The following PPM1A variants were observed in gnomAD, a reference collection of about 807,000 sequenced individuals.
PPM1A encodes protein phosphatase, Mg2+/Mn2+ dependent 1A, also known as protein phosphatase 1A.
A neutral mutation model predicts 35.0 loss-of-function variants in PPM1A; 7 were observed. The ratio of observed to expected loss-of-function variants is 0.20; its 90% CI spans 0.11 to 0.38. PPM1A has a LOEUF of 0.38. PPM1A is among the 10% of genes least tolerant of loss of function. The pLI is 1.00. For synonymous variants in PPM1A, 153 were observed against 167.3 expected (o/e 0.91, Z 0.66); for missense variants, 239 against 467.8 (o/e 0.51, Z 4.51).
intron 1 of PPM1A, among the ~76,000 whole-genome samples, chr14:60,268,857 T>C (rs1231208646): frequency 6.6e-6 from 1 of 151,866 alleles, no homozygotes; most frequent in African/African-American, 2.4e-5. Context: ...AATTTCCACG[T>C]TTGAGGTTTT....
chr14:60,272,077 G>A (rs531532623), intron 1 of PPM1A, among the ~76,000 whole-genome samples: 2 of 148,020 alleles, frequency 1.4e-5, no homozygotes, highest in African/African-American at 2.5e-5. Flanking sequence ...TATGTGCTTT[G>A]ATGTTGATGT....
intron 1 of PPM1A, among the ~76,000 whole-genome samples, chr14:60,274,886 TC>T (rs1218491411): frequency 6.6e-6 from 1 of 151,664 alleles, no homozygotes; most frequent in Non-Finnish European, 1.5e-5. Context: ...ATACTGAGTC[TC>T]CCTCTTTTCA....
At chr14:60,250,413 A>G in intron 1 of PPM1A, 1 of 984,962 alleles carries the variant, frequency 1.0e-6, no homozygotes, top group African/African-American at 1.7e-5. Context: ...TTCTTGAAAG[A>G]CAGCTGGCTG....
upstream of PPM1A, among the ~76,000 whole-genome samples, chr14:60,247,064 T>C (rs1881826268): frequency 1.3e-5 from 2 of 152,180 alleles, no homozygotes; most frequent in South Asian, 4.1e-4. Context: ...AAAATTTGTC[T>C]TTTAAGAGCA....
chr14:60,287,314 C>T, intron 3 of PPM1A: 1 of 983,804 alleles, frequency 1.0e-6, no homozygotes, highest in Non-Finnish European at 1.2e-6. Flanking sequence ...TACATTGATA[C>T]TCAATATTTT....
intron 1 of PPM1A, among the ~76,000 whole-genome samples, chr14:60,262,633 T>C (rs1039606041): frequency 2.1e-4 from 32 of 152,216 alleles, no homozygotes; most frequent in African/African-American, 4.6e-4. Flanking sequence ...ATAGTTTGAG[T>C]TGTGATCGTG....
At chr14:60,285,861 A>G in intron 3 of PPM1A, 120 bp downstream of exon 3, 1 of 1,458,374 alleles carries the variant, frequency 6.9e-7, no homozygotes, top group East Asian at 2.5e-5. Context: ...CTAGTGTATG[A>G]AAGTGGAAAA....
chr14:60,246,583 G>A (rs1881797764), upstream of PPM1A, among the ~76,000 whole-genome samples: 1 of 152,030 alleles, frequency 6.6e-6, no homozygotes, highest in Admixed American at 6.5e-5. Context: ...TAGAGGCCCG[G>A]CAAAGTCTTA....
At chr14:60,291,585 C>A in intron 5 of PPM1A, 131 bp downstream of exon 5, 3 of 571,034 alleles carry the variant, frequency 5.3e-6, no homozygotes, top group African/African-American at 3.9e-5. Context: ...TTGCTCTGAA[C>A]TCTGCTTGCT....
Position 60,291,452 on chromosome 14 carries a change from A to G in PPM1A, c.1117A>G (p.Thr373Ala). ...NRLNPYKNDD[T>A]DSTSTDDMW ...ACTGAATCCTTACAAAAATGACGAC[A>G]CTGTAAGTAGCATTTTAGCTCCCTC... Residue 373 changes from threonine to alanine, a missense_variant and splice_region_variant, in exon 5 of 6, where the codon ACT becomes GCT. Thr to Ala is a moderately conservative substitution (Grantham distance 58, BLOSUM62 0). Transcript: ENST00000395076. 1.3e-6 allele frequency: 2 copies of G among 1,575,192 alleles called. No individual in the cohort carries two copies. The highest frequency in any genetic ancestry group is 1.4e-5 in the African/African-American group (1 of 73,726).
intron 1 of PPM1A, among the ~76,000 whole-genome samples, chr14:60,253,276 A>C (rs1050135753): frequency 6.6e-6 from 1 of 152,170 alleles, no homozygotes; most frequent in African/African-American, 2.4e-5. Flanking sequence ...TTTTGAGACT[A>C]AACTACTTCT....
chr14:60,256,437 AAAG>A (rs142957815), intron 1 of PPM1A, among the ~76,000 whole-genome samples: 4,984 of 152,258 alleles, frequency 0.033, 283 homozygotes, highest in African/African-American at 0.11. Context: ...GTCTAAAAAA[AAAG>A]AAGAAGAAAA....
At position 60,288,393 on chromosome 14, in the gene PPM1A, A is replaced by G. The variant is rs1306683107; in HGVS notation, c.953-1413A>G. 4 of 983,842 alleles carry G rather than the reference A, an allele frequency of 4.1e-6. No individual in the cohort carries two copies. In the African/African-American group the frequency reaches 7.0e-5, roughly 17 times the overall value. 60.9% of individuals were successfully genotyped at this position (983,842 alleles called of 1,614,324 possible). A position where few individuals can be genotyped will look rare whatever the true frequency, so the allele number is the denominator to read the frequency against. On this transcript the variant is annotated intron_variant, in intron 3 of 5. Transcript: ENST00000395076. Reference sequence around the variant, plus strand: ...CCAAATAATTGTATTGGCTTAGCGGAGACTGTATGTTAAGTGTATTAGTTT... The same window carrying G: ...CCAAATAATTGTATTGGCTTAGCGGGGACTGTATGTTAAGTGTATTAGTTT...
intron 1 of PPM1A, among the ~76,000 whole-genome samples, chr14:60,268,069 T>G (rs190711195): frequency 6.6e-6 from 1 of 152,284 alleles, no homozygotes; most frequent in Admixed American, 6.5e-5. Flanking sequence ...AGTCAGATTT[T>G]ATCAGTTGTC....
At position 60,282,560 on chromosome 14, in the gene PPM1A, A is replaced by G. The variant is rs181464895; in HGVS notation, c.-20-124A>G. The G allele has an allele frequency of 1.2e-5, 15 of 1,236,136 alleles. No individual in the cohort carries two copies. The highest frequency in any genetic ancestry group is 3.0e-5 in the African/African-American group (2 of 65,722). 76.6% of individuals were successfully genotyped at this position (1,236,136 alleles called of 1,614,324 possible). ...CTCCAGATTCCAAGTCAGCAACACA[A>G]TGAATGTCTGCTTATCGCGAGTTGT... On this transcript the variant is annotated intron_variant, in intron 1 of 5. Coordinates refer to ENST00000395076, the MANE Select transcript of PPM1A (RefSeq NM_021003.5). The surrounding 1 kb of genome is among the most constrained non-coding windows in gnomAD (Gnocchi z 5.1).
At position 60,275,663 on chromosome 14, in the gene PPM1A, CAG is replaced by C. The variant is rs1885666103; in HGVS notation, c.-20-7018_-20-7017del. Among the ~76,000 whole-genome samples, 11 of 151,994 alleles carry C rather than the reference CAG, an allele frequency of 7.2e-5. No homozygotes were observed. In the South Asian group the frequency reaches 1.9e-3, roughly 26 times the overall value. On this transcript the variant is annotated intron_variant, in intron 1 of 5. Transcript: ENST00000395076. Reference sequence around the variant, plus strand: ...CACTATGCCCCGCTAATCATTTTTACAGAGTCACGCTATTTTGCCCAGGCTGG... The same window carrying C: ...CACTATGCCCCGCTAATCATTTTTACAGTCACGCTATTTTGCCCAGGCTGG...
chr14:60,282,978 C>T lies in PPM1A; in HGVS notation c.275C>T (p.Pro92Leu), dbSNP rs145211997. 1 of 1,614,174 alleles carries T rather than the reference C, an allele frequency of 6.2e-7. No individual in the cohort carries two copies. Among genetic ancestry groups the T allele is most frequent in the Non-Finnish European group, 8.5e-7 (1 of 1,180,034 alleles). ...GATTTTAAAGGGTCTGCAGGAGCACCTTCTGTGGAAAATGTAAAGAATGGA... is the reference window on the plus strand; with the variant it reads ...GATTTTAAAGGGTCTGCAGGAGCACTTTCTGTGGAAAATGTAAAGAATGGA... Reference protein sequence around the residue: ...NQDFKGSAGAPSVENVKNGIR... With the variant: ...NQDFKGSAGALSVENVKNGIR... The change falls in exon 2 of 6, where the codon CCT (proline) becomes CTT (leucine). Residue 92 changes from proline (P) to leucine (L), a missense_variant. Transcript: ENST00000395076. The surrounding 1 kb of genome is among the most constrained non-coding windows in gnomAD (Gnocchi z 5.1).
At chr14:60,257,044 A>G (rs1272326565) in intron 1 of PPM1A, among the ~76,000 whole-genome samples, 4 of 152,204 alleles carry the variant, frequency 2.6e-5, no homozygotes, top group Non-Finnish European at 5.9e-5. Flanking sequence ...TTTCCCCAAG[A>G]AGAGCTATTA....
chr14:60,274,210 A>G (rs1448604884), intron 1 of PPM1A, among the ~76,000 whole-genome samples: 2 of 152,164 alleles, frequency 1.3e-5, no homozygotes, highest in Admixed American at 1.3e-4. Flanking sequence ...GGCCAATGGG[A>G]AGAGTGTTTC....
Sources: gnomAD v4.1 joint callset for allele counts (sites outside exome capture counted in the v4.1 genomes callset) on GRCh38, gnomAD v4.1.1 for gene constraint, Gnocchi (gnomAD v3.1) non-coding constraint, MANE v1.5 for transcripts, NCBI Gene and HGNC (gene_info 2026-07-23, HGNC 2026-07-21) for gene names.